MGA: variants seen among roughly 807,000 people sequenced by gnomAD.
The protein encoded by MGA is MAX gene-associated protein.
A neutral mutation model predicts 261.1 loss-of-function variants in MGA; 40 were observed. The observed-to-expected ratio is 0.15, with a 90% confidence interval of 0.12 to 0.20. The LOEUF is 0.20. Ranked by LOEUF, MGA falls within the 10% of genes least tolerant of loss-of-function variation. The pLI is 1.00. For synonymous variants in MGA, 1,302 were observed against 1,290.6 expected, an observed-to-expected ratio of 1.01 and a Z score of -0.19; for missense variants, 3,397 against 3,630.5, an observed-to-expected ratio of 0.94 and a Z score of 1.65.
intron 16 of MGA, 72 bp downstream of exon 16, chr15:41,748,999 A>G: frequency 6.4e-7 from 1 of 1,553,586 alleles, no homozygotes; most frequent in Non-Finnish European, 8.7e-7. Context: ...ATACACCAAG[A>G]TTGTTTTTCT....
chr15:41,640,993 T>C (rs1041455586), intron 1 of MGA, among the ~76,000 whole-genome samples: 1 of 152,186 alleles, frequency 6.6e-6, no homozygotes, highest in African/African-American at 2.4e-5. Context: ...ATTCCCTATT[T>C]CTCCCCCAGT....
chr15:41,733,762 A>G (rs983380780), intron 11 of MGA, among the ~76,000 whole-genome samples: 6 of 152,206 alleles, frequency 3.9e-5, no homozygotes, highest in Admixed American at 1.3e-4. Context: ...GCCCTTACTA[A>G]TGAGAAATTG....
At chr15:41,652,314 C>T (rs1167778930) in intron 1 of MGA, among the ~76,000 whole-genome samples, 2 of 140,036 alleles carry the variant, frequency 1.4e-5, no homozygotes, top group East Asian at 2.4e-4. Flanking sequence ...CTCTGCCCTC[C>T]CCTCCCCTCT....
chr15:41,739,837 C>T, intron 13 of MGA, 69 bp from the exon 14 acceptor site: 1 of 1,451,790 alleles, frequency 6.9e-7, no homozygotes, highest in Non-Finnish European at 9.3e-7. Flanking sequence ...AAATGAAGCC[C>T]CTGTCAAGGG....
intron 2 of MGA, among the ~76,000 whole-genome samples, chr15:41,691,287 T>C (rs889431223): frequency 2.0e-5 from 3 of 152,238 alleles, no homozygotes; most frequent in Non-Finnish European, 4.4e-5. Context: ...TATTTTATTC[T>C]TGTTGATGCT....
intron 1 of MGA, among the ~76,000 whole-genome samples, chr15:41,661,433 G>T (rs1595596810): frequency 6.6e-6 from 1 of 150,998 alleles, no homozygotes; most frequent in South Asian, 2.1e-4. Context: ...ACTGGGTCGG[G>T]AGTGCAAAAG....
chr15:41,685,964 C>T (rs1429155891), intron 2 of MGA, among the ~76,000 whole-genome samples: 1 of 148,658 alleles, frequency 6.7e-6, no homozygotes, highest in Non-Finnish European at 1.5e-5. Flanking sequence ...GAGATCGTGC[C>T]ACTGCACTCC....
intron 5 of MGA, among the ~76,000 whole-genome samples, chr15:41,703,805 G>C (rs992159470): frequency 2.6e-5 from 4 of 152,084 alleles, no homozygotes; most frequent in Non-Finnish European, 5.9e-5. Context: ...TTTTGTTTTG[G>C]TTTTTGGTTG....
chr15:41,625,587 G>A (rs2056430390), intron 1 of MGA, among the ~76,000 whole-genome samples: 1 of 152,054 alleles, frequency 6.6e-6, no homozygotes, highest in South Asian at 2.1e-4. Flanking sequence ...GGTGGCACAT[G>A]CCTATAGTCC....
In MGA at chr15:41,760,548, TG is replaced by T; in HGVS notation, c.7398+20del. 1 of 1,610,716 alleles carries T rather than the reference TG, an allele frequency of 6.2e-7. No homozygotes were observed. On this transcript the variant is annotated intron_variant, in intron 20 of 23. Coordinates refer to ENST00000219905, the MANE Select transcript of MGA (RefSeq NM_001164273.2). ...TACTCGAGTAAGTGTTCTGTGTAAA[TG>T]ACAGTAAGAGCTTGACTAAGAGATT...
At position 41,697,141 on chromosome 15, in the gene MGA, T is replaced by TG. The variant is rs550269051; in HGVS notation, c.2013+124dup. The TG allele has an allele frequency of 5.8e-4, 506 of 870,058 alleles. 1 individual carries two copies. The South Asian group carries it at 7.2e-3, about 12-fold the overall frequency. 53.9% of individuals were successfully genotyped at this position (870,058 alleles called of 1,614,324 possible). On this transcript the variant is annotated intron_variant, in intron 3 of 23. Coordinates refer to ENST00000219905, the MANE Select transcript of MGA (RefSeq NM_001164273.2). ...TGTGATATCTATTTGTGAGGGTGTATGGGGGGTGGAGTTGGGAGGGAAGTG... is the reference window on the plus strand; with the variant it reads ...TGTGATATCTATTTGTGAGGGTGTATGGGGGGGTGGAGTTGGGAGGGAAGTG...
intron 19 of MGA, among the ~76,000 whole-genome samples, chr15:41,759,342 C>G (rs1421802020): frequency 1.3e-5 from 2 of 151,686 alleles, no homozygotes; most frequent in Non-Finnish European, 2.9e-5. Context: ...GATTTAAGAA[C>G]TAGAAGAAGC....
rs1438932513 is a variant in MGA, at chr15:41,736,297, G to A, written c.4033G>A (p.Glu1345Lys). 2 of 1,614,000 alleles carry A rather than the reference G, an allele frequency of 1.2e-6. No individual in the cohort carries two copies. The highest frequency in any genetic ancestry group is 2.2e-5 in the South Asian group (2 of 91,084). ...TGAGATCATCTCAGACTGCAACTGG[G>A]AGGAAGATCGGAACAAGATTTTGAG... is the stretch of plus-strand genomic sequence containing the variant. Residue 1345 changes from glutamate (E) to lysine (K), a missense_variant, in exon 13 of 24, where the codon GAG becomes AAG. This residue lies in a region of MGA where 1,410 missense variants were observed against 1,386.4 expected (regional missense o/e 1.02). Coordinates refer to ENST00000219905, the MANE Select transcript of MGA (RefSeq NM_001164273.2).
chr15:41,767,098 C>T lies in MGA; in HGVS notation c.9016C>T (p.Gln3006Ter). Residue 3006 changes from glutamine (Q) to a stop codon, truncating the protein, a stop_gained, in exon 24 of 24, where the codon CAG (glutamine) becomes TAG (stop). Coordinates refer to ENST00000219905, the MANE Select transcript of MGA (RefSeq NM_001164273.2). LOFTEE classifies it high-confidence loss of function. ...TAATCCTTCCAGTGATGCAGATGGT[C>T]AGAGTCTCAAGGTGATGCCTTGTTT... 1 of 1,613,976 alleles carries T rather than the reference C, an allele frequency of 6.2e-7. No homozygotes were observed. The highest frequency in any genetic ancestry group is 8.5e-7 in the Non-Finnish European group (1 of 1,179,888).
In MGA at chr15:41,760,588, T is replaced by G. The variant is rs958350112; in HGVS notation, c.7398+59T>G. The G allele has an allele frequency of 1.4e-5, 21 of 1,538,522 alleles. No homozygotes were observed. The African/African-American group carries it at 2.3e-4, about 17-fold the overall frequency. ...GACTAAGAGATTCTTACCGATGATA[T>G]GAGAAAGATAATCCACTGACATATA... On this transcript the variant is annotated intron_variant, in intron 20 of 23. Transcript: ENST00000219905.
intron 15 of MGA, among the ~76,000 whole-genome samples, chr15:41,745,399 C>A (rs1363454508): frequency 1.4e-5 from 2 of 147,448 alleles, no homozygotes; most frequent in African/African-American, 5.0e-5. Context: ...ATTAAAAAAT[C>A]ATTAAATTCC....
chr15:41,681,153 A>G (rs1222770756), intron 2 of MGA, among the ~76,000 whole-genome samples: 1 of 152,198 alleles, frequency 6.6e-6, no homozygotes, highest in African/African-American at 2.4e-5. Context: ...AAAAAGATTA[A>G]ATAAAACCAC....
At chr15:41,708,285 T>G (rs1180163855) in intron 7 of MGA, 77 bp downstream of exon 7, 3 of 1,071,068 alleles carry the variant, frequency 2.8e-6, no homozygotes, top group Non-Finnish European at 4.1e-6. Context: ...AAGTCTTGGT[T>G]GTTTTTCTTC....
Position 41,762,361 on chromosome 15 carries a change from A to G in MGA, c.7743A>G (p.Thr2581=). 2 of 1,610,252 alleles carry G rather than the reference A, an allele frequency of 1.2e-6. No individual in the cohort carries two copies. The highest frequency in any genetic ancestry group is 1.7e-6 in the Non-Finnish European group (2 of 1,177,442). ...TTTCCAGAAAAAAAGACCAGGCCAC[A>G]GGTAGGAGGGACATTCTTCGCTTTC... Residue 2581 remains threonine, a splice_region_variant and synonymous_variant, in exon 22 of 24, where the codon ACA becomes ACG. Coordinates refer to ENST00000219905, the MANE Select transcript of MGA (RefSeq NM_001164273.2).
Sources: gnomAD v4.1 joint callset for allele counts (sites outside exome capture counted in the v4.1 genomes callset) on GRCh38, gnomAD v4.1.1 for gene constraint, gnomAD v4.1.1 regional missense constraint, MANE v1.5 for transcripts, NCBI Gene and HGNC (gene_info 2026-07-23, HGNC 2026-07-21) for gene names.